The following PCNX1 variants were observed in gnomAD, a reference collection of about 807,000 sequenced individuals.
PCNX1 encodes the protein pecanex 1, also known as pecanex-like protein 1.
A neutral mutation model predicts 242.2 loss-of-function variants in PCNX1; 78 were observed. The ratio of observed to expected loss-of-function variants is 0.32; its 90% CI spans 0.27 to 0.39. The LOEUF (loss-of-function observed/expected upper bound fraction) is 0.39. Ranked by LOEUF, PCNX1 falls within the 10% of genes least tolerant of loss-of-function variation. The pLI, the probability that PCNX1 is intolerant of heterozygous loss-of-function variation, is 1.00. For synonymous variants in PCNX1, 1,024 were observed against 1,032.9 expected (o/e 0.99, Z 0.17); for missense variants, 2,581 against 2,856.5 (o/e 0.90, Z 2.20).
At chr14:71,079,676 T>A (rs187772598) in intron 28 of PCNX1, among the ~76,000 whole-genome samples, 1 of 152,228 alleles carries the variant, frequency 6.6e-6, no homozygotes, top group Non-Finnish European at 1.5e-5. Flanking sequence ...CATAAATGTC[T>A]TCTTTTGAGA....
intron 1 of PCNX1, among the ~76,000 whole-genome samples, chr14:70,940,536 C>G (rs555291054): frequency 1.4e-3 from 209 of 152,320 alleles, no homozygotes; most frequent in Non-Finnish European, 2.8e-3. Context: ...GTAACCTGAC[C>G]TTTCTCTCTG....
intron 28 of PCNX1, among the ~76,000 whole-genome samples, chr14:71,080,858 A>G (rs2141534979): frequency 6.6e-6 from 1 of 152,188 alleles, no homozygotes; most frequent in East Asian, 1.9e-4. Context: ...AATACCCTTT[A>G]TTTCTTTCTC....
chr14:71,071,556 C>A (rs2061586891), intron 26 of PCNX1, among the ~76,000 whole-genome samples: 1 of 152,128 alleles, frequency 6.6e-6, no homozygotes, highest in South Asian at 2.1e-4. Context: ...GCGCCTCCCC[C>A]TTAACCCTAT....
chr14:71,046,814 T>G, intron 20 of PCNX1, 150 bp from the exon 21 acceptor site: 1 of 524,248 alleles, frequency 1.9e-6, no homozygotes, highest in East Asian at 3.0e-5. Context: ...TCAGAGCTCA[T>G]AGAAGTTGAC....
At chr14:71,026,369 AC>A in intron 14 of PCNX1, 81 bp downstream of exon 14, 1 of 851,514 alleles carries the variant, frequency 1.2e-6, no homozygotes, top group South Asian at 2.2e-5. Context: ...TATCAATTAT[AC>A]AGCTTTAGTT....
At chr14:70,988,530 C>T in intron 6 of PCNX1, 37 bp from the exon 7 acceptor site, 1 of 1,605,080 alleles carries the variant, frequency 6.2e-7, no homozygotes, top group Non-Finnish European at 8.5e-7. Flanking sequence ...CATCTCTGAC[C>T]TAGGCTCTTG....
chr14:71,047,163 C>CT, intron 21 of PCNX1, 58 bp downstream of exon 21: 1 of 1,020,476 alleles, frequency 9.8e-7, no homozygotes, highest in Non-Finnish European at 1.4e-6. Context: ...TAAACAATGT[C>CT]TTAAGTTGTT....
intron 2 of PCNX1, among the ~76,000 whole-genome samples, chr14:70,958,019 TGTG>T (rs1339240908): frequency 2.6e-5 from 4 of 152,158 alleles, no homozygotes; most frequent in Admixed American, 6.5e-5. Flanking sequence ...ACTAATTTAA[TGTG>T]GTGATAGTGC....
At position 71,113,421 on chromosome 14, in the gene PCNX1, ATG is replaced by A. The variant is rs2062791673; in HGVS notation, c.*3490_*3491del. 1 of 152,770 alleles carries A rather than the reference ATG, an allele frequency of 6.5e-6. No homozygotes were observed. Among genetic ancestry groups the A allele is most frequent in the African/African-American group, 2.4e-5 (1 of 41,578 alleles). 9.5% of individuals were successfully genotyped at this position (152,770 alleles called of 1,614,324 possible). ...TTTGTGTAGAAAACCCATTAAGAAG[ATG>A]TGTTTTTCTTTCTGAATTAGTTTAT... is the stretch of plus-strand genomic sequence containing the variant. On this transcript the variant is annotated 3_prime_UTR_variant, in exon 36 of 36. Coordinates refer to ENST00000304743, the MANE Select transcript of PCNX1 (RefSeq NM_014982.3).
chr14:71,026,498 A>G (rs190322956), intron 14 of PCNX1, among the ~76,000 whole-genome samples: 1 of 152,292 alleles, frequency 6.6e-6, no homozygotes, highest in Non-Finnish European at 1.5e-5. Flanking sequence ...TTCTTGGAGT[A>G]GATATAATGC....
At position 71,057,597 on chromosome 14, in the gene PCNX1, A is replaced by T. The variant is rs962483279; in HGVS notation, c.4725A>T (p.Gly1575=). 3.7e-6 allele frequency: 6 copies of T among 1,613,744 alleles called. No homozygotes were observed. Among genetic ancestry groups the T allele is most frequent in the Non-Finnish European group, 5.1e-6 (6 of 1,179,644 alleles). ...QHSLCGDLLL[G]RWGNYSTGDC... is the part of the protein sequence containing the mutation. ...GCCTCTGTGGTGATTTGCTACTAGG[A>T]CGGTGGGGAAACTACAGTACAGGGG... Residue 1575 remains glycine (G), a synonymous_variant, in exon 26 of 36, where the codon GGA becomes GGT. Coordinates refer to ENST00000304743, the MANE Select transcript of PCNX1 (RefSeq NM_014982.3).
At chr14:71,090,958 G>A (rs977463537) in intron 30 of PCNX1, among the ~76,000 whole-genome samples, 2 of 152,158 alleles carry the variant, frequency 1.3e-5, no homozygotes, top group East Asian at 1.9e-4. Context: ...CATTATTGCC[G>A]ATATCAGTGA....
chr14:70,985,781 T>C (rs1239342707), intron 6 of PCNX1, among the ~76,000 whole-genome samples: 1 of 152,240 alleles, frequency 6.6e-6, no homozygotes, highest in Non-Finnish European at 1.5e-5. Flanking sequence ...GCTCTTACTA[T>C]TGAATTAATT....
At chr14:70,953,286 T>A (rs928796121) in intron 2 of PCNX1, among the ~76,000 whole-genome samples, 3 of 151,828 alleles carry the variant, frequency 2.0e-5, no homozygotes, top group African/African-American at 7.3e-5. Flanking sequence ...CTTGAAAAAA[T>A]TTGCCATTCA....
Position 71,059,427 on chromosome 14 carries a change from A to C in PCNX1, c.4852+1703A>C, listed in dbSNP as rs113160965. On this transcript the variant is annotated intron_variant, in intron 26 of 35. Coordinates refer to ENST00000304743, the MANE Select transcript of PCNX1 (RefSeq NM_014982.3). Reference sequence around the variant, plus strand: ...AGACAGGGGTCTCGCTCTGTCACCCAGGCTGGAGTGCAGTGGCGTGATCAC... The same window carrying C: ...AGACAGGGGTCTCGCTCTGTCACCCCGGCTGGAGTGCAGTGGCGTGATCAC... Among the ~76,000 whole-genome samples the C allele has an allele frequency of 8.0e-3, 1,213 of 152,120 alleles. 10 individuals carry two copies. Among genetic ancestry groups the C allele is most frequent in the Middle Eastern group, 0.024 (7 of 294 alleles).
At chr14:71,097,882 A>G (rs2062337375) in intron 30 of PCNX1, among the ~76,000 whole-genome samples, 1 of 152,190 alleles carries the variant, frequency 6.6e-6, no homozygotes. Context: ...GGTGTTTCCT[A>G]GATTTTCTTC....
At chr14:71,037,523 C>T (rs1359789446) in intron 19 of PCNX1, among the ~76,000 whole-genome samples, 18 of 149,788 alleles carry the variant, frequency 1.2e-4, no homozygotes, top group African/African-American at 3.0e-4. Flanking sequence ...TGTCAAAGGC[C>T]TTTTCTGCAT....
intron 1 of PCNX1, among the ~76,000 whole-genome samples, chr14:70,944,659 T>A (rs1222494800): frequency 2.0e-5 from 3 of 152,124 alleles, no homozygotes; most frequent in African/African-American, 7.2e-5. Context: ...ATGAGAGATT[T>A]GGGAGGGGCC....
intron 2 of PCNX1, among the ~76,000 whole-genome samples, chr14:70,948,561 ATGTG>A (rs765296117): frequency 6.6e-6 from 1 of 150,846 alleles, no homozygotes; most frequent in Non-Finnish European, 1.5e-5. Context: ...AATAAAATGT[ATGTG>A]TGTGTATATA....
Sources: allele counts gnomAD v4.1 joint callset (sites outside exome capture counted in the v4.1 genomes callset), GRCh38; gene constraint gnomAD v4.1.1; transcripts MANE v1.5; gene names NCBI Gene and HGNC (gene_info 2026-07-23, HGNC 2026-07-21).